The following VWF variants were observed in gnomAD, a reference collection of about 807,000 sequenced individuals.
VWF encodes von Willebrand factor.
A neutral mutation model predicts 308.6 loss-of-function variants in VWF; 176 were observed. The ratio of observed to expected loss-of-function variants is 0.57; its 90% CI spans 0.50 to 0.65. The LOEUF is 0.65. Ranked by LOEUF, VWF falls within the 30% of genes least tolerant of loss-of-function variation. VWF has a pLI of 0.00. For synonymous variants in VWF, 1,385 were observed against 1,443.4 expected (o/e 0.96, Z 0.92); for missense variants, 3,146 against 3,648.2 (o/e 0.86, Z 3.55).
intron 9 of VWF, 63 bp from the exon 10 acceptor site, chr12:6,071,406 T>C: frequency 6.3e-7 from 1 of 1,580,304 alleles, no homozygotes; most frequent in African/African-American, 1.3e-5. Flanking sequence ...TGCAAATGGA[T>C]TTAGAGCTCA....
At chr12:5,967,205 A>G (rs1943412790) in intron 47 of VWF, among the ~76,000 whole-genome samples, 1 of 152,198 alleles carries the variant, frequency 6.6e-6, no homozygotes, top group South Asian at 2.1e-4. Flanking sequence ...ATAAAGGGAT[A>G]CAGAATTGTA....
Position 5,987,524 on chromosome 12 carries a change from C to A in VWF, c.6799-1859G>T, listed in dbSNP as rs556442875. Among the ~76,000 whole-genome samples, 3 of 152,332 alleles carry A rather than the reference C, an allele frequency of 2.0e-5. No homozygotes were observed. The South Asian group carries it at 6.2e-4, about 32-fold the overall frequency. ...TCTCATCAACAGACACAGTGCCCAT[C>A]GTGGGCAGGTCTGAACACACCATCC... On this transcript the variant is annotated intron_variant, in intron 38 of 51. Transcript: ENST00000261405.
intron 50 of VWF, among the ~76,000 whole-genome samples, chr12:5,950,663 A>T (rs948166606): frequency 6.0e-5 from 6 of 100,438 alleles, no homozygotes; most frequent in Non-Finnish European, 9.8e-5. Context: ...AGGATGAATT[A>T]AAAAAAAAAA....
rs991656589 is a variant in VWF, at chr12:5,966,644, A to T, written c.7887+842T>A. Among the ~76,000 whole-genome samples the T allele has an allele frequency of 4.3e-5, 5 of 115,088 alleles. No individual in the cohort carries two copies. The East Asian group carries it at 1.2e-3, about 28-fold the overall frequency. 75.5% of individuals were successfully genotyped at this position (115,088 alleles called of 152,430 possible). A position where few individuals can be genotyped will look rare whatever the true frequency, so the allele number is the denominator to read the frequency against. On this transcript the variant is annotated intron_variant, in intron 47 of 51. Transcript: ENST00000261405. ...GCCTGCTTATAAGAGGCTCCTCTCC[A>T]CCTTGCTGCAGCCCCGACTGTCTCA...
At chr12:6,101,998 G>A (rs571027798) in intron 5 of VWF, among the ~76,000 whole-genome samples, 1 of 152,094 alleles carries the variant, frequency 6.6e-6, no homozygotes. Context: ...CATTTATGGG[G>A]GAGGGCGGAA....
chr12:6,093,812 C>T lies in VWF; in HGVS notation c.657+1648G>A, dbSNP rs541304405. On this transcript the variant is annotated intron_variant, in intron 6 of 51. Coordinates refer to ENST00000261405, the MANE Select transcript of VWF (RefSeq NM_000552.5). ...GCACAAAGACCATCTTTACCTGTGGCAGGTGAAGGCAGAGTGTGGTCTGGC... is the reference window on the plus strand; with the variant it reads ...GCACAAAGACCATCTTTACCTGTGGTAGGTGAAGGCAGAGTGTGGTCTGGC... Among the ~76,000 whole-genome samples the T allele has an allele frequency of 2.6e-5, 4 of 152,344 alleles. No homozygotes were observed. The Middle Eastern group carries it at 0.01, about 389-fold the overall frequency.
At chr12:6,078,463 G>C (rs1812874266) in intron 6 of VWF, among the ~76,000 whole-genome samples, 1 of 152,196 alleles carries the variant, frequency 6.6e-6, no homozygotes, top group African/African-American at 2.4e-5. Flanking sequence ...ATGTCATTCA[G>C]AGAATTACGT....
intron 6 of VWF, among the ~76,000 whole-genome samples, chr12:6,090,792 C>G (rs1945025706): frequency 6.6e-6 from 1 of 152,222 alleles, no homozygotes; most frequent in African/African-American, 2.4e-5. Flanking sequence ...AGGCACTTGT[C>G]TTGCCCAGAT....
chr12:5,976,069 G>A lies in VWF; in HGVS notation c.7437+42C>T, dbSNP rs199882502. 98 of 1,611,582 alleles carry A rather than the reference G, an allele frequency of 6.1e-5. No individual in the cohort carries two copies. The East Asian group carries it at 9.1e-4, about 15-fold the overall frequency. Reference sequence around the variant, plus strand: ...CTAAGATGCCCTCCTCTACTTTCCCGCTCTGATAGCTGCAGGCATGCCCAG... The same window carrying A: ...CTAAGATGCCCTCCTCTACTTTCCCACTCTGATAGCTGCAGGCATGCCCAG... On this transcript the variant is annotated intron_variant, in intron 43 of 51. Coordinates refer to ENST00000261405, the MANE Select transcript of VWF (RefSeq NM_000552.5).
intron 5 of VWF, among the ~76,000 whole-genome samples, chr12:6,102,683 C>A (rs1008096315): frequency 6.6e-6 from 1 of 151,314 alleles, no homozygotes; most frequent in African/African-American, 2.4e-5. Flanking sequence ...TGCAGTGAGC[C>A]GAGATTGTGC....
intron 34 of VWF, among the ~76,000 whole-genome samples, chr12:6,000,590 G>A (rs1943860369): frequency 6.6e-6 from 1 of 151,894 alleles, no homozygotes; most frequent in African/African-American, 2.4e-5. Context: ...GGCGGATCAC[G>A]AGGTCAGGTG....
chr12:6,003,884 C>T (rs1369568350), intron 34 of VWF, among the ~76,000 whole-genome samples: 2 of 143,076 alleles, frequency 1.4e-5, no homozygotes, highest in African/African-American at 2.6e-5. Context: ...GGCAAGATCT[C>T]GGCTCACTAC....
chr12:5,958,201 A>C (rs1052208899), intron 47 of VWF, among the ~76,000 whole-genome samples: 1 of 152,244 alleles, frequency 6.6e-6, no homozygotes, highest in Non-Finnish European at 1.5e-5. Flanking sequence ...AAAATGAATA[A>C]CAGAAGAATA....
At chr12:6,085,726 G>A (rs1323639974) in intron 6 of VWF, among the ~76,000 whole-genome samples, 2 of 140,770 alleles carry the variant, frequency 1.4e-5, no homozygotes, top group East Asian at 2.1e-4. Context: ...GGGAGGGGGG[G>A]CGCGGGGGGC....
intron 47 of VWF, among the ~76,000 whole-genome samples, chr12:5,964,230 A>ACATACATACATGCATGCATGCATG (rs1943360520): frequency 7.1e-6 from 1 of 140,416 alleles, no homozygotes; most frequent in African/African-American, 3.1e-5. Context: ...ATACATACAT[A>ACATACATACATGCATGCATGCATG]CATACATACA....
chr12:5,962,363 G>A (rs1943329145), intron 47 of VWF, among the ~76,000 whole-genome samples: 1 of 151,610 alleles, frequency 6.6e-6, no homozygotes, highest in Admixed American at 6.6e-5. Flanking sequence ...AAATTGAAAG[G>A]ACATTAAATA....
chr12:6,121,469 T>C, intron 2 of VWF, 131 bp from the exon 3 acceptor site: 7 of 1,158,528 alleles, frequency 6.0e-6, no homozygotes, highest in Non-Finnish European at 8.7e-6. Flanking sequence ...GTATTTTCCA[T>C]CCTAAATGAG....
At chr12:6,005,590 C>A (rs1943916195) in intron 34 of VWF, among the ~76,000 whole-genome samples, 1 of 152,084 alleles carries the variant, frequency 6.6e-6, no homozygotes, top group Non-Finnish European at 1.5e-5. Context: ...TGTCAAAAGT[C>A]AAAGACAAAA....
At chr12:6,111,246 G>A (rs1485745731) in intron 3 of VWF, among the ~76,000 whole-genome samples, 1 of 152,152 alleles carries the variant, frequency 6.6e-6, no homozygotes, top group Middle Eastern at 3.2e-3. Context: ...TTGCTTCTGG[G>A]AGTTTACAAC....
Sources: gnomAD v4.1 joint callset for allele counts (sites outside exome capture counted in the v4.1 genomes callset) on GRCh38, gnomAD v4.1.1 for gene constraint, MANE v1.5 for transcripts, NCBI Gene and HGNC (gene_info 2026-07-23, HGNC 2026-07-21) for gene names.